The following IL1RAPL1 variants were observed in gnomAD, a reference collection of about 807,000 sequenced individuals.
IL1RAPL1 encodes the protein interleukin-1 receptor accessory protein-like 1.
Under a neutral mutation model 48.4 loss-of-function variants are expected in IL1RAPL1, and 3 were observed. The ratio of observed to expected loss-of-function variants is 0.06; its 90% CI spans 0.03 to 0.16. The LOEUF is 0.16. IL1RAPL1 is among the 10% of genes least tolerant of loss of function. The pLI is 1.00. For missense variants in IL1RAPL1, 349 were observed against 530.6 expected (o/e 0.66, Z 3.36); for synonymous variants, 185 against 187.7 (o/e 0.99, Z 0.12).
intron 1 of IL1RAPL1, among the ~76,000 whole-genome samples, chrX:28,623,724 A>G (rs1205972235): frequency 8.9e-6 from 1 of 112,064 alleles, no homozygotes; most frequent in East Asian, 2.8e-4. Flanking sequence ...ATGACACAAC[A>G]GAAGAGCAAT....
At position 29,070,642 on chromosome X, in the gene IL1RAPL1, G is replaced by A. The variant is rs185943985; in HGVS notation, c.83-212296G>A. On this transcript the variant is annotated intron_variant, in intron 2 of 10. Coordinates refer to ENST00000378993, the MANE Select transcript of IL1RAPL1 (RefSeq NM_014271.4). ...CACCAAAATTAGGAAGTTGACACAA[G>A]TCTGGATCTCCTAGTATACGTAATG... 4.8e-4 allele frequency among the ~76,000 whole-genome samples: 54 copies of A among 111,587 alleles called. 1 individual carries two copies. Among genetic ancestry groups the A allele is most frequent in the Middle Eastern group, 4.7e-3 (1 of 215 alleles).
At chrX:29,662,113 A>C (rs929568545) in intron 5 of IL1RAPL1, among the ~76,000 whole-genome samples, 1 of 111,996 alleles carries the variant, frequency 8.9e-6, no homozygotes, top group African/African-American at 3.3e-5. Context: ...CATGTTCTAC[A>C]AGGCCCTTCC....
chrX:29,234,504 C>G, intron 2 of IL1RAPL1, among the ~76,000 whole-genome samples: 1 of 111,733 alleles, frequency 8.9e-6, no homozygotes, highest in Non-Finnish European at 1.9e-5. Flanking sequence ...GAGTTTTGTT[C>G]AAAGCTGTAT....
At chrX:29,270,332 TTATC>T (rs1387137978) in intron 2 of IL1RAPL1, among the ~76,000 whole-genome samples, 3 of 112,086 alleles carry the variant, frequency 2.7e-5, no homozygotes, top group Admixed American at 9.5e-5. Flanking sequence ...TTTTGGTGTC[TTATC>T]TAAGAAACCT....
At chrX:28,739,846 G>T (rs1343266710) in intron 1 of IL1RAPL1, among the ~76,000 whole-genome samples, 1 of 110,576 alleles carries the variant, frequency 9.0e-6, no homozygotes, top group Non-Finnish European at 1.9e-5. Flanking sequence ...TCCCTGCCCA[G>T]ACTAAATAGA....
At chrX:29,351,242 A>G (rs1035145823) in intron 3 of IL1RAPL1, among the ~76,000 whole-genome samples, 1 of 111,979 alleles carries the variant, frequency 8.9e-6, no homozygotes, top group Admixed American at 9.5e-5. Context: ...ATGAGATGAC[A>G]CTTGGTTTAT....
chrX:28,831,748 T>C (rs2147286784), intron 2 of IL1RAPL1, among the ~76,000 whole-genome samples: 1 of 111,731 alleles, frequency 9.0e-6, no homozygotes. Flanking sequence ...GATAATTTTC[T>C]GGATTTTTTT....
intron 2 of IL1RAPL1, among the ~76,000 whole-genome samples, chrX:28,825,063 A>G (rs1372339291): frequency 1.8e-5 from 2 of 111,701 alleles, no homozygotes; most frequent in African/African-American, 6.5e-5. Context: ...TTTTCCAACT[A>G]CACAACAGCA....
intron 6 of IL1RAPL1, among the ~76,000 whole-genome samples, chrX:29,727,231 A>ACTC (rs1412410954): frequency 9.0e-6 from 1 of 110,580 alleles, no homozygotes; most frequent in Non-Finnish European, 1.9e-5. Flanking sequence ...AAAAAGTTTT[A>ACTC]CTCCTCCCTC....
intron 5 of IL1RAPL1, among the ~76,000 whole-genome samples, chrX:29,539,144 T>C (rs941154352): frequency 4.5e-5 from 5 of 111,443 alleles, no homozygotes; most frequent in African/African-American, 1.6e-4. Context: ...CTGACTAATA[T>C]AGACGCAGAA....
chrX:28,828,004 C>CT (rs1194146180), intron 2 of IL1RAPL1, among the ~76,000 whole-genome samples: 8 of 111,163 alleles, frequency 7.2e-5, no homozygotes, highest in African/African-American at 9.8e-5. Flanking sequence ...GTTTACTCTT[C>CT]TTTTTTTTGA....
chrX:29,179,189 T>C lies in IL1RAPL1; in HGVS notation c.83-103749T>C, dbSNP rs962352652. The stretch of plus-strand genomic sequence containing the variant: ...TGAATCTATAAATTACCTTGGGCAG[T>C]ATGGCCATTTTCACGATATTGATTC... On this transcript the variant is annotated intron_variant, in intron 2 of 10. Transcript: ENST00000378993. 7.6e-4 allele frequency among the ~76,000 whole-genome samples: 85 copies of C among 111,186 alleles called. No homozygotes were observed. In the Middle Eastern group the frequency reaches 0.014, roughly 18 times the overall value.
intron 1 of IL1RAPL1, among the ~76,000 whole-genome samples, chrX:28,590,118 A>G (rs963339944): frequency 2.7e-5 from 3 of 111,522 alleles, no homozygotes; most frequent in Non-Finnish European, 3.8e-5. Flanking sequence ...GATTTTTTTT[A>G]AAGAAGATAC....
chrX:28,758,160 G>A (rs960039000), intron 1 of IL1RAPL1, among the ~76,000 whole-genome samples: 90 of 112,267 alleles, frequency 8.0e-4, no homozygotes, highest in African/African-American at 2.8e-3. Context: ...AAGACCCTGA[G>A]TAGGCATACC....
intron 5 of IL1RAPL1, among the ~76,000 whole-genome samples, chrX:29,409,820 C>CT (rs34018303): frequency 0.35 from 27,730 of 79,231 alleles, 5,478 homozygotes; most frequent in Non-Finnish European, 0.46. Context: ...GTTCTAAATT[C>CT]TTTTTTTTTT....
At chrX:29,016,084 A>G (rs1227871537) in intron 2 of IL1RAPL1, among the ~76,000 whole-genome samples, 3 of 111,788 alleles carry the variant, frequency 2.7e-5, no homozygotes, top group Non-Finnish European at 5.6e-5. Flanking sequence ...AGTTTAATAA[A>G]TACAGCTCAG....
intron 2 of IL1RAPL1, among the ~76,000 whole-genome samples, chrX:28,861,186 A>G (rs889149117): frequency 8.9e-6 from 1 of 111,877 alleles, no homozygotes; most frequent in East Asian, 2.8e-4. Context: ...GTAAGCTAAG[A>G]ATGTCAAAAG....
intron 2 of IL1RAPL1, among the ~76,000 whole-genome samples, chrX:29,230,528 A>C (rs1004280009): frequency 1.2e-4 from 12 of 99,104 alleles, no homozygotes; most frequent in Non-Finnish European, 1.6e-4. Flanking sequence ...AAAAAAAAAA[A>C]AAAAAAACCT....
chrX:28,941,070 T>A (rs1924152647), intron 2 of IL1RAPL1, among the ~76,000 whole-genome samples: 1 of 111,300 alleles, frequency 9.0e-6, no homozygotes, highest in Non-Finnish European at 1.9e-5. Flanking sequence ...ATATTTAACG[T>A]ATCAACATTT....
Sources: allele counts gnomAD v4.1 joint callset (sites outside exome capture counted in the v4.1 genomes callset), GRCh38; gene constraint gnomAD v4.1.1; transcripts MANE v1.5; gene names NCBI Gene and HGNC (gene_info 2026-07-23, HGNC 2026-07-21).